FNBP1: variants seen among roughly 807,000 people sequenced by gnomAD.
The protein encoded by FNBP1 is formin-binding protein 1.
A neutral mutation model predicts 90.6 loss-of-function variants in FNBP1; 26 were observed. That is an observed-to-expected ratio of 0.29 (90% CI 0.21 to 0.40). The LOEUF is 0.40. Ranked by LOEUF, FNBP1 falls within the 10% of genes least tolerant of loss-of-function variation. The pLI, the probability that FNBP1 is intolerant of heterozygous loss-of-function variation, is 1.00. For missense variants in FNBP1, 635 were observed against 768.0 expected, an observed-to-expected ratio of 0.83 and a Z score of 2.05; for synonymous variants, 260 against 265.2, an observed-to-expected ratio of 0.98 and a Z score of 0.19.
chr9:129,944,976 A>AACAC (rs145865785), intron 6 of FNBP1, among the ~76,000 whole-genome samples: 3 of 151,778 alleles, frequency 2.0e-5, no homozygotes, highest in East Asian at 1.9e-4. Flanking sequence ...GTTGAAGCTA[A>AACAC]ACACACACAC....
intron 1 of FNBP1, among the ~76,000 whole-genome samples, chr9:130,016,083 T>C (rs941546907): frequency 1.3e-5 from 2 of 152,270 alleles, no homozygotes; most frequent in Non-Finnish European, 2.9e-5. Context: ...AAACTTCTTA[T>C]ATATTAAGGT....
intron 6 of FNBP1, among the ~76,000 whole-genome samples, chr9:129,932,686 CCT>C (rs1419013349): frequency 6.6e-6 from 1 of 152,218 alleles, no homozygotes. Flanking sequence ...CCGCATTCTT[CCT>C]CTTTGTTGGT....
At chr9:130,050,841 T>C in the FNBP1 span, among the ~76,000 whole-genome samples, 2 of 151,560 alleles carry the variant, frequency 1.3e-5, no homozygotes, top group Non-Finnish European at 2.9e-5. Context: ...TTGTTTTTGT[T>C]TTTGAGACAG....
intron 1 of FNBP1, among the ~76,000 whole-genome samples, chr9:130,020,103 C>A (rs1262823467): frequency 6.6e-6 from 1 of 152,194 alleles, no homozygotes; most frequent in African/African-American, 2.4e-5. Context: ...CAAATAGCAT[C>A]AAAAGCAGTG....
chr9:129,925,589 C>CTTTTTTTTTT (rs576015094), intron 8 of FNBP1, among the ~76,000 whole-genome samples: 8 of 67,128 alleles, frequency 1.2e-4, no homozygotes, highest in Admixed American at 2.3e-4. Flanking sequence ...TTCCTAGTAG[C>CTTTTTTTTTT]TTTTTTTTTT....
intron 6 of FNBP1, among the ~76,000 whole-genome samples, chr9:129,937,739 A>G (rs1185530947): frequency 6.6e-6 from 1 of 152,204 alleles, no homozygotes; most frequent in Non-Finnish European, 1.5e-5. Context: ...CAAAAAAAAA[A>G]AAGAATTTTT....
intron 4 of FNBP1, among the ~76,000 whole-genome samples, chr9:129,973,761 C>T (rs1313456538): frequency 6.6e-6 from 1 of 151,462 alleles, no homozygotes; most frequent in Non-Finnish European, 1.5e-5. Flanking sequence ...CCTTGGCCTC[C>T]CAAAGTGCTG....
intron 11 of FNBP1, among the ~76,000 whole-genome samples, chr9:129,912,239 A>G (rs892700826): frequency 2.0e-5 from 3 of 152,156 alleles, no homozygotes; most frequent in Non-Finnish European, 4.4e-5. Context: ...GCCTCCACAT[A>G]TTTGGTCACA....
chr9:129,896,017 T>C lies in FNBP1; in HGVS notation c.1688-21A>G, dbSNP rs189562122. 1.3e-4 allele frequency: 206 copies of C among 1,596,604 alleles called. 2 individuals are homozygous for C. The Admixed American group carries it at 3.5e-3, about 27-fold the overall frequency. On this transcript the variant is annotated intron_variant, in intron 15 of 16. Transcript: ENST00000446176. ...CTGACCTGAAAAAGCAATATCAGGA[T>C]ATGTTAGATGTCTTGGCAAATGCAG...
chr9:129,961,077 C>T (rs1006685601), intron 4 of FNBP1, among the ~76,000 whole-genome samples: 6 of 151,928 alleles, frequency 3.9e-5, no homozygotes, highest in African/African-American at 1.5e-4. Context: ...CTTTGGGAGG[C>T]CAAGGTGGGC....
At chr9:129,989,076 C>G (rs1313898216) in intron 2 of FNBP1, among the ~76,000 whole-genome samples, 1 of 152,210 alleles carries the variant, frequency 6.6e-6, no homozygotes, top group Non-Finnish European at 1.5e-5. Flanking sequence ...CTCTCTCCCC[C>G]CACATCCTTA....
At chr9:129,946,444 A>C (rs1402655615) in intron 6 of FNBP1, among the ~76,000 whole-genome samples, 1 of 152,228 alleles carries the variant, frequency 6.6e-6, no homozygotes, top group Non-Finnish European at 1.5e-5. Context: ...AAATCGGGTT[A>C]TATAATAAAA....
chr9:129,956,861 A>T (rs147512710), intron 6 of FNBP1, among the ~76,000 whole-genome samples: 1 of 152,282 alleles, frequency 6.6e-6, no homozygotes, highest in African/African-American at 2.4e-5. Flanking sequence ...AACGTCTCAA[A>T]TTCTAACACC....
chr9:129,980,216 T>G (rs2050973145), intron 2 of FNBP1, among the ~76,000 whole-genome samples: 1 of 151,464 alleles, frequency 6.6e-6, no homozygotes, highest in Non-Finnish European at 1.5e-5. Flanking sequence ...CAAAATTAGC[T>G]GGGCATGGTG....
At chr9:129,965,817 G>GAGGAAGGAAGGAAGGAAGGAAGGAAGGA (rs1190159718) in intron 4 of FNBP1, among the ~76,000 whole-genome samples, 2 of 99,488 alleles carry the variant, frequency 2.0e-5, no homozygotes, top group African/African-American at 4.1e-5. Context: ...GGGAGGGAGG[G>GAGGAAGGAAGGAAGGAAGGAAGGAAGGA]AGGAAGGAAG....
chr9:130,044,121 A>G (rs1205652961), upstream of FNBP1, among the ~76,000 whole-genome samples: 1 of 152,224 alleles, frequency 6.6e-6, no homozygotes, highest in African/African-American at 2.4e-5. Context: ...CTGACAAGCT[A>G]TGGAAAATGT....
Position 130,012,788 on chromosome 9 carries a change from T to C in FNBP1, c.25-17830A>G, listed in dbSNP as rs910944176. 3.3e-5 allele frequency among the ~76,000 whole-genome samples: 5 copies of C among 152,062 alleles called. No individual in the cohort carries two copies. The East Asian group carries it at 7.7e-4, about 24-fold the overall frequency. ...CCAAGTAGCTGAGAATACAGGCGCG[T>C]GCCACCACACCAGGCTAATTTTTTG... On this transcript the variant is annotated intron_variant, in intron 1 of 16. Transcript: ENST00000446176.
intron 8 of FNBP1, among the ~76,000 whole-genome samples, chr9:129,926,648 A>G (rs2041954975): frequency 1.3e-5 from 2 of 152,076 alleles, no homozygotes; most frequent in South Asian, 2.1e-4. Context: ...ACACTTTGGG[A>G]GGCTGAGGCG....
At chr9:129,995,371 G>T (rs550037460) in intron 1 of FNBP1, among the ~76,000 whole-genome samples, 6 of 152,208 alleles carry the variant, frequency 3.9e-5, no homozygotes, top group Admixed American at 2.0e-4. Flanking sequence ...GAGGAACGGG[G>T]GGAAGTGTTA....
Sources: gnomAD v4.1 joint callset for allele counts (sites outside exome capture counted in the v4.1 genomes callset) on GRCh38, gnomAD v4.1.1 for gene constraint, MANE v1.5 for transcripts, NCBI Gene and HGNC (gene_info 2026-07-23, HGNC 2026-07-21) for gene names.